EPB41: variants seen among roughly 807,000 people sequenced by gnomAD.
EPB41 encodes the protein protein 4.1.
In EPB41, 65 loss-of-function variants were observed where a neutral mutation model predicts 108.0. The ratio of observed to expected loss-of-function variants is 0.60; its 90% CI spans 0.49 to 0.74. The LOEUF is 0.74. Ranked by LOEUF, EPB41 falls within the 30% of genes least tolerant of loss-of-function variation. The pLI is 0.00. For missense variants in EPB41, 875 were observed against 1,037.0 expected, an observed-to-expected ratio of 0.84 and a Z score of 2.15; for synonymous variants, 336 against 358.9, an observed-to-expected ratio of 0.94 and a Z score of 0.72.
intron 16 of EPB41, among the ~76,000 whole-genome samples, chr1:29,078,636 T>C (rs1051148419): frequency 6.6e-6 from 1 of 152,056 alleles, no homozygotes; most frequent in African/African-American, 2.4e-5. Flanking sequence ...TAGTCCCAGC[T>C]ACACGGGAGC....
At chr1:28,904,048 G>A (rs565681797) in intron 1 of EPB41, among the ~76,000 whole-genome samples, 1 of 151,920 alleles carries the variant, frequency 6.6e-6, no homozygotes, top group East Asian at 2.0e-4. Context: ...TGTATTTTCA[G>A]TAGAGACAGG....
intron 16 of EPB41, among the ~76,000 whole-genome samples, chr1:29,066,951 A>C (rs1648281996): frequency 6.6e-6 from 1 of 151,516 alleles, no homozygotes; most frequent in South Asian, 2.1e-4. Context: ...CTGAGATTAC[A>C]GGCATGAGCC....
chr1:28,946,713 T>TG (rs2094501293), intron 1 of EPB41, among the ~76,000 whole-genome samples: 2 of 152,226 alleles, frequency 1.3e-5, no homozygotes, highest in Non-Finnish European at 2.9e-5. Flanking sequence ...TCCTCCCTGC[T>TG]TCAATATTTA....
intron 10 of EPB41, among the ~76,000 whole-genome samples, chr1:29,036,557 G>A (rs995570340): frequency 3.3e-5 from 5 of 151,794 alleles, no homozygotes; most frequent in Non-Finnish European, 5.9e-5. Context: ...CACTGTGCCC[G>A]GACGGAATTT....
In EPB41 at chr1:29,039,245, T is replaced by G. The variant is rs564358231; in HGVS notation, c.1464-9T>G. ...TATAATAATATGACTATTACGATTT[T>G]CCCCCCAGATTGACATCTACAGACA... is the stretch of plus-strand genomic sequence containing the variant. On this transcript the variant is annotated splice_polypyrimidine_tract_variant and intron_variant, in intron 10 of 20. Transcript: ENST00000343067. 6.2e-7 allele frequency: 1 copy of G among 1,613,288 alleles called. No homozygotes were observed. The highest frequency in any genetic ancestry group is 1.7e-5 in the Admixed American group (1 of 59,980).
At chr1:28,972,452 G>T (rs1432059345) in intron 1 of EPB41, among the ~76,000 whole-genome samples, 1 of 152,184 alleles carries the variant, frequency 6.6e-6, no homozygotes, top group Non-Finnish European at 1.5e-5. Flanking sequence ...CTTAGAAGAA[G>T]ATGAGTAAGA....
chr1:28,980,952 T>C (rs2095729408), intron 1 of EPB41, among the ~76,000 whole-genome samples: 1 of 152,094 alleles, frequency 6.6e-6, no homozygotes, highest in Non-Finnish European at 1.5e-5. Context: ...TTTGTATTTT[T>C]AGTAGAGACA....
intron 17 of EPB41, among the ~76,000 whole-genome samples, chr1:29,104,305 C>T (rs1164823857): frequency 1.3e-5 from 2 of 152,130 alleles, no homozygotes; most frequent in Non-Finnish European, 2.9e-5. Flanking sequence ...AGCCGGAGCA[C>T]CATTTTTTTA....
At chr1:28,947,293 A>G (rs1384621959) in intron 1 of EPB41, among the ~76,000 whole-genome samples, 3 of 151,982 alleles carry the variant, frequency 2.0e-5, no homozygotes, top group South Asian at 4.2e-4. Flanking sequence ...CTGTAGTCCC[A>G]GCTACTCGGA....
Position 28,997,333 on chromosome 1 carries a change from T to A in EPB41, c.786+14T>A. The A allele has an allele frequency of 6.6e-7, 1 of 1,517,596 alleles. No individual in the cohort carries two copies. The highest frequency in any genetic ancestry group is 9.2e-7 in the Non-Finnish European group (1 of 1,092,056). 94.0% of individuals were successfully genotyped at this position (1,517,596 alleles called of 1,614,324 possible). On this transcript the variant is annotated intron_variant, in intron 4 of 20. Coordinates refer to ENST00000343067, the MANE Select transcript of EPB41 (RefSeq NM_001376013.1). The stretch of plus-strand genomic sequence containing the variant: ...GCAACCTCTAAGGTGAGGAGACTGC[T>A]TGCAATTTAAGAAGCTGACAAAAAA...
intron 16 of EPB41, among the ~76,000 whole-genome samples, chr1:29,067,704 T>C (rs1553278732): frequency 6.6e-6 from 1 of 151,978 alleles, no homozygotes; most frequent in Non-Finnish European, 1.5e-5. Flanking sequence ...AAGGGTACTT[T>C]TTGTATTTTT....
intron 11 of EPB41, among the ~76,000 whole-genome samples, chr1:29,050,356 T>C (rs1644281116): frequency 6.6e-6 from 1 of 152,270 alleles, no homozygotes. Flanking sequence ...GTATTAGTAC[T>C]GGATTGAAAC....
At chr1:29,015,208 T>A (rs1434919958) in intron 5 of EPB41, among the ~76,000 whole-genome samples, 4 of 152,144 alleles carry the variant, frequency 2.6e-5, no homozygotes. Context: ...TTCTTCTTTT[T>A]AAAAAATTGC....
chr1:29,083,082 G>A (rs989766911), intron 16 of EPB41, among the ~76,000 whole-genome samples: 2 of 151,832 alleles, frequency 1.3e-5, no homozygotes, highest in African/African-American at 2.4e-5. Flanking sequence ...CCAGAGAATA[G>A]CAATAGACTG....
intron 14 of EPB41, 112 bp downstream of exon 14, chr1:29,058,964 G>A: frequency 2.0e-6 from 2 of 1,022,514 alleles, no homozygotes; most frequent in Non-Finnish European, 3.0e-6. Flanking sequence ...TTAATCAGGA[G>A]TTGTTAATAG....
Position 28,968,982 on chromosome 1 carries a change from C to CA in EPB41, c.-7-18439dup, listed in dbSNP as rs57580988. 3.1e-3 allele frequency among the ~76,000 whole-genome samples: 426 copies of CA among 137,768 alleles called. 6 individuals are homozygous for CA. The highest frequency in any genetic ancestry group is 0.018 in the East Asian group (73 of 4,060). The allele number at this position is 137,768 out of a possible 152,430, so 90.4% of individuals were successfully genotyped here. A position where few individuals can be genotyped will look rare whatever the true frequency, so the allele number is the denominator to read the frequency against. The stretch of plus-strand genomic sequence containing the variant: ...TCTGCCTCCAAAACCCCCCACCCCC[C>CA]AAAAAAAAAACACAAACTAAATGAA... On this transcript the variant is annotated intron_variant, in intron 1 of 20. Coordinates refer to ENST00000343067, the MANE Select transcript of EPB41 (RefSeq NM_001376013.1).
At chr1:28,924,529 CA>C (rs150196434) in intron 1 of EPB41, among the ~76,000 whole-genome samples, 2 of 147,926 alleles carry the variant, frequency 1.4e-5, no homozygotes, top group African/African-American at 2.5e-5. Context: ...GACTACATCT[CA>C]AAAAAAAAAT....
intron 16 of EPB41, among the ~76,000 whole-genome samples, chr1:29,090,137 A>T (rs1461766985): frequency 1.3e-5 from 2 of 152,034 alleles, no homozygotes; most frequent in South Asian, 2.1e-4. Flanking sequence ...GGTGGCACGC[A>T]TCTGTAACCC....
At chr1:29,059,206 T>G (rs1646091523) in intron 14 of EPB41, among the ~76,000 whole-genome samples, 1 of 151,866 alleles carries the variant, frequency 6.6e-6, no homozygotes, top group Non-Finnish European at 1.5e-5. Context: ...ACCTGGGAGG[T>G]GTAGGTTGCA....
Sources: gnomAD v4.1 joint callset for allele counts (sites outside exome capture counted in the v4.1 genomes callset) on GRCh38, gnomAD v4.1.1 for gene constraint, MANE v1.5 for transcripts, NCBI Gene and HGNC (gene_info 2026-07-23, HGNC 2026-07-21) for gene names.